SLC6A9: variants seen among roughly 807,000 people sequenced by gnomAD.
The protein encoded by SLC6A9 is solute carrier family 6 member 9, also known as sodium- and chloride-dependent glycine transporter 1.
A neutral mutation model predicts 70.9 loss-of-function variants in SLC6A9; 31 were observed. That is an observed-to-expected ratio of 0.44 (90% CI 0.33 to 0.59). The LOEUF is 0.59. SLC6A9 is among the 20% of genes least tolerant of loss of function. The pLI, the probability that SLC6A9 is intolerant of heterozygous loss-of-function variation, is 0.04. For synonymous variants in SLC6A9, 310 were observed against 341.3 expected (o/e 0.91, Z 1.01); for missense variants, 631 against 845.2 (o/e 0.75, Z 3.14).
intron 1 of SLC6A9, 141 bp downstream of exon 1, chr1:44,031,165 A>ATC (rs1348357769): frequency 1.0e-5 from 1 of 98,304 alleles, no homozygotes; most frequent in East Asian, 3.1e-4. Flanking sequence ...TACATGCGCG[A>ATC]TCACACACAC....
rs1414770583 is a variant in SLC6A9, at chr1:44,013,250, C to G, written c.31-2368G>C. Among the ~76,000 whole-genome samples, 7 of 152,200 alleles carry G rather than the reference C, an allele frequency of 4.6e-5. No homozygotes were observed. Among genetic ancestry groups the G allele is most frequent in the African/African-American group, 1.7e-4 (7 of 41,454 alleles). On this transcript the variant is annotated intron_variant, in intron 2 of 13. Transcript: ENST00000372310. This position sits in a 1 kb window ranked among gnomAD's most constrained non-coding sequence, Gnocchi z 5.3. ...ATCAAGGCCTGTCTCCTGTTCCCAG[C>G]AGGATGAGGGACAGATGCCCCATAC... is the stretch of plus-strand genomic sequence containing the variant.
At position 43,997,162 on chromosome 1, in the gene SLC6A9, G is replaced by C. The variant is rs992908875; in HGVS notation, c.*383C>G. On this transcript the variant is annotated 3_prime_UTR_variant, in exon 14 of 14. Coordinates refer to ENST00000372310, the MANE Select transcript of SLC6A9 (RefSeq NM_001024845.3). The surrounding 1 kb of genome is among the most constrained non-coding windows in gnomAD (Gnocchi z 4.4). ...AATGTGCCTGGCAGAGGCTGGGGTC[G>C]GCTCTGAGGGCAGGAGCACTAGTCA... 1 of 229,776 alleles carries C rather than the reference G, an allele frequency of 4.4e-6. No homozygotes were observed. The highest frequency in any genetic ancestry group is 6.8e-5 in the South Asian group (1 of 14,690). 14.2% of individuals were successfully genotyped at this position (229,776 alleles called of 1,614,324 possible).
At chr1:44,008,710 CT>C (rs1235602993) in intron 4 of SLC6A9, 87 bp from the exon 5 acceptor site, 69,775 of 740,214 alleles carry the variant, frequency 0.094, 2 homozygotes, top group East Asian at 0.15. Context: ...CTTTTCTTTT[CT>C]TTTTTTTTTT....
chr1:44,013,857 G>C lies in SLC6A9; in HGVS notation c.31-2975C>G, dbSNP rs965780107. On this transcript the variant is annotated intron_variant, in intron 2 of 13. Transcript: ENST00000372310. The surrounding 1 kb of genome is among the most constrained non-coding windows in gnomAD (Gnocchi z 5.3). ...GGGACCACCCTCTGACTTCCCTCCT[G>C]AGCAGCTAAATCTTTTTCAATACTG... Among the ~76,000 whole-genome samples, 1 of 152,140 alleles carries C rather than the reference G, an allele frequency of 6.6e-6. No homozygotes were observed. The highest frequency in any genetic ancestry group is 1.5e-5 in the Non-Finnish European group (1 of 68,026).
At chr1:44,029,395 A>C (rs1352096057) in intron 1 of SLC6A9, among the ~76,000 whole-genome samples, 1 of 152,210 alleles carries the variant, frequency 6.6e-6, no homozygotes, top group Non-Finnish European at 1.5e-5. Flanking sequence ...CCAGGTCAGC[A>C]GCCTGCGGCC....
intron 2 of SLC6A9, 145 bp downstream of exon 2, chr1:44,024,103 G>A: frequency 1.2e-6 from 1 of 808,782 alleles, no homozygotes; most frequent in East Asian, 2.4e-5. Context: ...TAGATGAGGG[G>A]CTACCTGCCC....
At chr1:44,005,387 T>A (rs2086272191) in intron 5 of SLC6A9, among the ~76,000 whole-genome samples, 1 of 152,240 alleles carries the variant, frequency 6.6e-6, no homozygotes, top group Non-Finnish European at 1.5e-5. Context: ...ATCTGCCGTT[T>A]GAGCTTCTCT....
At chr1:44,015,867 C>G (rs1423319788) in intron 2 of SLC6A9, 1 of 985,148 alleles carries the variant, frequency 1.0e-6, no homozygotes, top group African/African-American at 1.7e-5. Context: ...GGGAAAATCT[C>G]CCCCGGGCCG....
At chr1:44,016,364 C>T (rs1459856530) in intron 2 of SLC6A9, 2 of 152,462 alleles carry the variant, frequency 1.3e-5, no homozygotes, top group Admixed American at 6.5e-5. Flanking sequence ...ACCCATCCCA[C>T]ATCGCCTCAG....
At chr1:44,000,181 C>G in intron 12 of SLC6A9, among the ~76,000 whole-genome samples, 1 of 152,232 alleles carries the variant, frequency 6.6e-6, no homozygotes, top group Non-Finnish European at 1.5e-5. Context: ...TGGAAAGTGC[C>G]TGCTTCCTTG....
intron 1 of SLC6A9, chr1:44,030,313 C>G (rs2087079307): frequency 6.6e-6 from 1 of 152,100 alleles, no homozygotes; most frequent in South Asian, 2.0e-4. Flanking sequence ...GGCCCCGCCC[C>G]CGGCCCCTGC....
chr1:44,010,399 C>T (rs1362857024), intron 3 of SLC6A9: 2 of 440,810 alleles, frequency 4.5e-6, no homozygotes, highest in South Asian at 5.3e-5. Flanking sequence ...CTCAACATCC[C>T]TGAACCATTT....
Position 44,002,839 on chromosome 1 carries a change from G to T in SLC6A9, c.723+14C>A, listed in dbSNP as rs1296417164. On this transcript the variant is annotated intron_variant, in intron 6 of 13. Coordinates refer to ENST00000372310, the MANE Select transcript of SLC6A9 (RefSeq NM_001024845.3). The surrounding 1 kb of genome is among the most constrained non-coding windows in gnomAD (Gnocchi z 5.5). ...TCTGGGTGGGCACAGACCCTGCTGG[G>T]GAGGGGTACTTGCTTTCCCTGAAGA... 6.2e-7 allele frequency: 1 copy of T among 1,613,950 alleles called. No homozygotes were observed. Among genetic ancestry groups the T allele is most frequent in the South Asian group, 1.1e-5 (1 of 91,072 alleles).
intron 2 of SLC6A9, chr1:44,017,018 G>A (rs769617844): frequency 1.3e-6 from 2 of 1,561,576 alleles, no homozygotes; most frequent in Non-Finnish European, 1.7e-6. Context: ...CACCAAGGAG[G>A]GGGCTCAACT....
intron 2 of SLC6A9, among the ~76,000 whole-genome samples, chr1:44,019,739 T>C (rs933350237): frequency 1.3e-5 from 2 of 152,250 alleles, no homozygotes; most frequent in African/African-American, 4.8e-5. Context: ...CACTTAGGGA[T>C]GCTGACTCCC....
chr1:44,002,239 G>T lies in SLC6A9; in HGVS notation c.962+74C>A. Reference sequence around the variant, plus strand: ...GGAAAGGAGGCCTCGTGGGCCCATGGCTGCACTGGAGCTGAGATCAGGCTG... The same window carrying T: ...GGAAAGGAGGCCTCGTGGGCCCATGTCTGCACTGGAGCTGAGATCAGGCTG... On this transcript the variant is annotated intron_variant, in intron 8 of 13. Transcript: ENST00000372310. This position sits in a 1 kb window ranked among gnomAD's most constrained non-coding sequence, Gnocchi z 5.5. 1 of 1,051,938 alleles carries T rather than the reference G, an allele frequency of 9.5e-7. No homozygotes were observed. Among genetic ancestry groups the T allele is most frequent in the Non-Finnish European group, 1.5e-6 (1 of 669,082 alleles). 65.2% of individuals were successfully genotyped at this position (1,051,938 alleles called of 1,614,324 possible).
At chr1:44,005,384 G>A (rs1188682050) in intron 5 of SLC6A9, among the ~76,000 whole-genome samples, 4 of 152,196 alleles carry the variant, frequency 2.6e-5, no homozygotes, top group Admixed American at 6.5e-5. Context: ...GAAATCTGCC[G>A]TTTGAGCTTC....
At chr1:44,010,173 C>T in intron 3 of SLC6A9, 77 bp from the exon 4 acceptor site, 2 of 1,547,254 alleles carry the variant, frequency 1.3e-6, no homozygotes, top group Non-Finnish European at 8.9e-7. Context: ...CAGAACTCAA[C>T]AGCAAAACCT....
At chr1:44,003,487 T>C (rs1395778478) in intron 5 of SLC6A9, among the ~76,000 whole-genome samples, 1 of 152,176 alleles carries the variant, frequency 6.6e-6, no homozygotes, top group African/African-American at 2.4e-5. Flanking sequence ...CTGGGTGTGG[T>C]GGCTCACACC....
Sources: gnomAD v4.1 joint callset for allele counts (sites outside exome capture counted in the v4.1 genomes callset) on GRCh38, gnomAD v4.1.1 for gene constraint, Gnocchi (gnomAD v3.1) non-coding constraint, MANE v1.5 for transcripts, NCBI Gene and HGNC (gene_info 2026-07-23, HGNC 2026-07-21) for gene names.